The following MAPK4 variants were observed in gnomAD, a reference collection of about 807,000 sequenced individuals.
MAPK4 encodes mitogen-activated protein kinase 4, also known as Erk3-related.
Under a neutral mutation model 47.7 loss-of-function variants are expected in MAPK4, and 22 were observed. The observed-to-expected ratio is 0.46, with a 90% CI of 0.33 to 0.66. The LOEUF (loss-of-function observed/expected upper bound fraction) is 0.66, where lower values mean the gene tolerates loss of function less well. Among genes scored for constraint, MAPK4 ranks in the 30% least tolerant of loss-of-function variants. MAPK4 has a pLI of 0.02. For synonymous variants in MAPK4, 390 were observed against 365.7 expected, an observed-to-expected ratio of 1.07 and a Z score of -0.76; for missense variants, 736 against 831.7, an observed-to-expected ratio of 0.88 and a Z score of 1.42.
chr18:50,675,995 C>T (rs1274739012), intron 2 of MAPK4, among the ~76,000 whole-genome samples: 2 of 152,228 alleles, frequency 1.3e-5, no homozygotes, highest in Non-Finnish European at 2.9e-5. Context: ...GACATTGCTG[C>T]TCTGTACACA....
chr18:50,617,493 C>A lies in MAPK4; in HGVS notation c.-870-45596C>A, dbSNP rs75534760. 9.3e-3 allele frequency among the ~76,000 whole-genome samples: 1,422 copies of A among 152,248 alleles called. 21 individuals carry two copies. Among genetic ancestry groups the A allele is most frequent in the African/African-American group, 0.032 (1,340 of 41,554 alleles). On this transcript the variant is annotated intron_variant, in intron 1 of 5. Transcript: ENST00000400384. ...GACTAAACCAGACTTTGATTTTAGA[C>A]CCCTGTTCATTCTAGTTTGGTAAAC...
At chr18:50,618,862 A>G (rs2042706904) in intron 1 of MAPK4, among the ~76,000 whole-genome samples, 1 of 152,184 alleles carries the variant, frequency 6.6e-6, no homozygotes, top group Non-Finnish European at 1.5e-5. Context: ...GAGAAAATGC[A>G]GACTGTGCCC....
chr18:50,681,610 AG>A lies in MAPK4; in HGVS notation c.546+17111del, dbSNP rs548099589. On this transcript the variant is annotated intron_variant, in intron 2 of 5. Transcript: ENST00000400384. ...TTGATTTTTATACATTGTATGAGAT[AG>A]GGGGTCCAACTTCATTCTTTTGCAT... 1.2e-4 allele frequency among the ~76,000 whole-genome samples: 18 copies of A among 152,294 alleles called. No homozygotes were observed. In the East Asian group the frequency reaches 3.1e-3, roughly 26 times the overall value.
At chr18:50,619,263 G>C (rs577283395) in intron 1 of MAPK4, among the ~76,000 whole-genome samples, 40 of 152,314 alleles carry the variant, frequency 2.6e-4, no homozygotes, top group Admixed American at 2.0e-4. Flanking sequence ...TTTCTGTGAA[G>C]GGTTTACCCA....
chr18:50,655,560 G>A (rs1270585596), intron 1 of MAPK4, among the ~76,000 whole-genome samples: 1 of 152,114 alleles, frequency 6.6e-6, no homozygotes, highest in African/African-American at 2.4e-5. Context: ...CACTCCTCTG[G>A]GGTGGAGGGA....
At chr18:50,598,013 T>C (rs2042499530) in intron 1 of MAPK4, among the ~76,000 whole-genome samples, 1 of 152,238 alleles carries the variant, frequency 6.6e-6, no homozygotes, top group African/African-American at 2.4e-5. Context: ...AAACAACTTT[T>C]TTAGTCCCTC....
chr18:50,598,615 C>T (rs560131031), intron 1 of MAPK4, among the ~76,000 whole-genome samples: 3 of 152,308 alleles, frequency 2.0e-5, no homozygotes, highest in African/African-American at 7.2e-5. Flanking sequence ...TAATTCATGC[C>T]TTAGGCTGTC....
Position 50,688,010 on chromosome 18 carries a change from C to T in MAPK4, c.546+23506C>T, listed in dbSNP as rs1189170922. On this transcript the variant is annotated intron_variant, in intron 2 of 5. Transcript: ENST00000400384. Reference sequence around the variant, plus strand: ...GATGACTAAACCCATTCCCTGCCCTCGGGGTCAGGGATTCTGCTGAAAGGT... The same window carrying T: ...GATGACTAAACCCATTCCCTGCCCTTGGGGTCAGGGATTCTGCTGAAAGGT... Among the ~76,000 whole-genome samples, 4 of 152,114 alleles carry T rather than the reference C, an allele frequency of 2.6e-5. No homozygotes were observed. The East Asian group carries it at 5.8e-4, about 22-fold the overall frequency.
intron 3 of MAPK4, among the ~76,000 whole-genome samples, chr18:50,719,733 C>T (rs3794899): frequency 0.81 from 123,069 of 152,122 alleles, 49,874 homozygotes; most frequent in Middle Eastern, 0.86. Flanking sequence ...CTTCTCCATA[C>T]CACAGCAGGC....
chr18:50,614,677 G>A (rs545150186), intron 1 of MAPK4, among the ~76,000 whole-genome samples: 6 of 152,206 alleles, frequency 3.9e-5, no homozygotes, highest in Non-Finnish European at 5.9e-5. Flanking sequence ...CATGTCACAC[G>A]TATTATCTCT....
chr18:50,665,254 G>T (rs1907532530), intron 2 of MAPK4, among the ~76,000 whole-genome samples: 1 of 152,124 alleles, frequency 6.6e-6, no homozygotes, highest in Non-Finnish European at 1.5e-5. Context: ...CCTCTTACCT[G>T]ATCCATTCCT....
chr18:50,724,376 C>T (rs1323786882), intron 4 of MAPK4, among the ~76,000 whole-genome samples: 1 of 152,182 alleles, frequency 6.6e-6, no homozygotes, highest in East Asian at 1.9e-4. Context: ...AAAGATGATA[C>T]TGCCTGCCTC....
rs1342845897 is a variant in MAPK4, at chr18:50,715,181, T to C, written c.649T>C (p.Cys217Arg). Reference sequence around the variant, plus strand: ...AGCCATCGACATGTGGGCCGCCGGCTGCATCCTGGCTGAGATGCTTACGGG... The same window carrying C: ...AGCCATCGACATGTGGGCCGCCGGCCGCATCCTGGCTGAGATGCTTACGGG... ...TKAIDMWAAG[C>R]ILAEMLTGRM... Residue 217 changes from cysteine to arginine, a missense_variant, in exon 3 of 6, where the codon TGC becomes CGC. Physicochemically the swap from Cys to Arg is radical, Grantham distance 180 (BLOSUM62 -3). Around this residue, in one of 3 missense-constraint regions of MAPK4, gnomAD observed 327 missense variants for 395.4 expected, o/e 0.83. Transcript: ENST00000400384. 2 of 1,614,090 alleles carry C rather than the reference T, an allele frequency of 1.2e-6. No homozygotes were observed. Among genetic ancestry groups the C allele is most frequent in the Non-Finnish European group, 1.7e-6 (2 of 1,180,038 alleles).
chr18:50,670,643 G>A (rs1209402819), intron 2 of MAPK4, among the ~76,000 whole-genome samples: 2 of 151,792 alleles, frequency 1.3e-5, no homozygotes, highest in South Asian at 2.1e-4. Context: ...TGTAGTTTCA[G>A]CTACTCAGGA....
intron 1 of MAPK4, among the ~76,000 whole-genome samples, chr18:50,568,491 C>A (rs150771142): frequency 1.3e-5 from 2 of 152,142 alleles, no homozygotes; most frequent in Admixed American, 6.5e-5. Flanking sequence ...AGAGTGTTGC[C>A]TAGAAAAGTA....
intron 2 of MAPK4, among the ~76,000 whole-genome samples, chr18:50,666,792 C>A (rs1907625674): frequency 6.6e-6 from 1 of 151,572 alleles, no homozygotes; most frequent in Non-Finnish European, 1.5e-5. Flanking sequence ...TACCCCACCT[C>A]CTCCCTCATA....
At chr18:50,675,632 C>T (rs570512133) in intron 2 of MAPK4, among the ~76,000 whole-genome samples, 2 of 152,212 alleles carry the variant, frequency 1.3e-5, no homozygotes, top group Non-Finnish European at 2.9e-5. Context: ...GCTGGGACTA[C>T]AGGCATGCAC....
At chr18:50,598,631 T>C (rs904617027) in intron 1 of MAPK4, among the ~76,000 whole-genome samples, 1 of 152,234 alleles carries the variant, frequency 6.6e-6, no homozygotes, top group African/African-American at 2.4e-5. Context: ...CTGTCCCTTC[T>C]TTACAACTAA....
intron 1 of MAPK4, among the ~76,000 whole-genome samples, chr18:50,603,216 A>C (rs1350093300): frequency 6.6e-6 from 1 of 152,120 alleles, no homozygotes; most frequent in South Asian, 2.1e-4. Flanking sequence ...TCTGTTCTCA[A>C]GGTGATGCTG....
Sources: allele counts gnomAD v4.1 joint callset (sites outside exome capture counted in the v4.1 genomes callset), GRCh38; gene constraint gnomAD v4.1.1; regional missense constraint gnomAD v4.1.1; transcripts MANE v1.5; gene names NCBI Gene and HGNC (gene_info 2026-07-23, HGNC 2026-07-21).